Variants in ABTB3 observed in about 807,000 individuals in gnomAD.
ABTB3 encodes the protein ankyrin repeat and BTB domain containing 3, also known as ankyrin repeat- and BTB/POZ domain-containing protein 3.
At chr12:107,353,150 T>C in the ABTB3 span, among the ~76,000 whole-genome samples, 3 of 149,414 alleles carry the variant, frequency 2.0e-5, no homozygotes, top group Admixed American at 2.0e-4. Context: ...GGTAGACAGC[T>C]CTTTGGAGTT....
the ABTB3 span, among the ~76,000 whole-genome samples, chr12:107,441,923 G>A: frequency 1.3e-5 from 2 of 151,992 alleles, no homozygotes; most frequent in East Asian, 3.9e-4. Flanking sequence ...CTAGGTGACA[G>A]AGTTAGACCC....
chr12:107,351,592 G>A, the ABTB3 span, among the ~76,000 whole-genome samples: 11,829 of 152,120 alleles, frequency 0.078, 593 homozygotes, highest in African/African-American at 0.14. Context: ...ATGGATTAAC[G>A]CTGTTATCTT....
the ABTB3 span, among the ~76,000 whole-genome samples, chr12:107,582,990 C>G: frequency 6.6e-6 from 1 of 152,192 alleles, no homozygotes; most frequent in Non-Finnish European, 1.5e-5. Flanking sequence ...GGAGACCCTA[C>G]AGCTTAAAAG....
chr12:107,355,892 G>A, the ABTB3 span, among the ~76,000 whole-genome samples: 2 of 152,146 alleles, frequency 1.3e-5, no homozygotes, highest in Non-Finnish European at 2.9e-5. Context: ...CTAAACCTCA[G>A]TTATTGGTGT....
the ABTB3 span, chr12:107,580,807 A>G: frequency 1.3e-6 from 2 of 1,511,860 alleles, no homozygotes; most frequent in Non-Finnish European, 1.8e-6. Flanking sequence ...TTGGTGCTTC[A>G]AGTGACTCAT....
chr12:107,340,975 AAC>A, the ABTB3 span, among the ~76,000 whole-genome samples: 1 of 152,262 alleles, frequency 6.6e-6, no homozygotes. Flanking sequence ...GCCCTTGAGA[AAC>A]ACACACCATT....
At chr12:107,449,018 G>A in the ABTB3 span, among the ~76,000 whole-genome samples, 3 of 152,380 alleles carry the variant, frequency 2.0e-5, no homozygotes, top group East Asian at 3.9e-4. Flanking sequence ...GGGGCAGGAG[G>A]AAGCATAAAA....
the ABTB3 span, among the ~76,000 whole-genome samples, chr12:107,512,254 TA>T: frequency 6.6e-6 from 1 of 152,234 alleles, no homozygotes; most frequent in African/African-American, 2.4e-5. Context: ...AGGCAACTTA[TA>T]AAAATATGTA....
At chr12:107,346,831 C>T in the ABTB3 span, among the ~76,000 whole-genome samples, 1 of 152,220 alleles carries the variant, frequency 6.6e-6, no homozygotes, top group Non-Finnish European at 1.5e-5. Context: ...TTGCCAGACT[C>T]TGTCTCTGAC....
At chr12:107,391,835 GTA>G in the ABTB3 span, among the ~76,000 whole-genome samples, 3 of 152,144 alleles carry the variant, frequency 2.0e-5, no homozygotes, top group African/African-American at 7.2e-5. Context: ...GTGTGATGGT[GTA>G]TGTGTATGCG....
At chr12:107,357,311 T>C in the ABTB3 span, among the ~76,000 whole-genome samples, 6 of 152,198 alleles carry the variant, frequency 3.9e-5, no homozygotes, top group Non-Finnish European at 7.3e-5. Context: ...CTCTACCCAA[T>C]GCCCCAGGCT....
At chr12:107,445,831 TC>T in the ABTB3 span, among the ~76,000 whole-genome samples, 2 of 149,898 alleles carry the variant, frequency 1.3e-5, no homozygotes, top group Non-Finnish European at 3.0e-5. Context: ...TCTTCCTCCA[TC>T]TTTAAGGCCA....
chr12:107,540,467 C>G, the ABTB3 span, among the ~76,000 whole-genome samples: 1 of 152,114 alleles, frequency 6.6e-6, no homozygotes, highest in Non-Finnish European at 1.5e-5. Context: ...CACAGACACA[C>G]CCAGAAATAA....
the ABTB3 span, among the ~76,000 whole-genome samples, chr12:107,336,467 GCC>G: frequency 8.7e-6 from 1 of 115,168 alleles, no homozygotes; most frequent in South Asian, 2.3e-4. Flanking sequence ...TTCTCTCTGA[GCC>G]TCAGTTTCCT....
chr12:107,448,938 G>A, the ABTB3 span, among the ~76,000 whole-genome samples: 3 of 152,236 alleles, frequency 2.0e-5, no homozygotes, highest in Admixed American at 6.5e-5. Flanking sequence ...GTTCTTTAAT[G>A]ACTGAATGAA....
the ABTB3 span, among the ~76,000 whole-genome samples, chr12:107,653,078 T>G: frequency 6.6e-6 from 1 of 152,160 alleles, no homozygotes; most frequent in Non-Finnish European, 1.5e-5. Flanking sequence ...CCAGCCAAGA[T>G]GAAGAGTTAT....
the ABTB3 span, among the ~76,000 whole-genome samples, chr12:107,620,681 C>T: frequency 6.6e-6 from 1 of 152,268 alleles, no homozygotes; most frequent in South Asian, 2.1e-4. Context: ...AAGCCAGGCC[C>T]TGGGAGAAGG....
the ABTB3 span, among the ~76,000 whole-genome samples, chr12:107,434,411 A>T: frequency 6.6e-6 from 1 of 152,360 alleles, no homozygotes; most frequent in Non-Finnish European, 1.5e-5. Context: ...CGTCTGCTAC[A>T]GCCTTTCTCT....
the ABTB3 span, among the ~76,000 whole-genome samples, chr12:107,326,294 G>A: frequency 2.0e-5 from 3 of 152,218 alleles, no homozygotes; most frequent in Non-Finnish European, 4.4e-5. Context: ...CTGATTGGGA[G>A]AGGAGTGGGG....
Sources: gnomAD v4.1 joint callset for allele counts (sites outside exome capture counted in the v4.1 genomes callset) on GRCh38, gnomAD v4.1.1 for gene constraint, MANE v1.5 for transcripts, NCBI Gene and HGNC (gene_info 2026-07-23, HGNC 2026-07-21) for gene names.